Variants in ELAVL2 observed in about 807,000 individuals in gnomAD.
ELAVL2 encodes the protein ELAV-like protein 2.
ELAVL2 carries 4 observed loss-of-function variants against 34.6 expected under a neutral mutation model. That is an observed-to-expected ratio of 0.12 (90% CI 0.06 to 0.26). ELAVL2 has a LOEUF of 0.26. ELAVL2 is among the 10% of genes least tolerant of loss of function. The pLI is 1.00. For missense variants in ELAVL2, 432 were observed against 442.8 expected, an observed-to-expected ratio of 0.98 and a Z score of 0.22; for synonymous variants, 193 against 154.8, an observed-to-expected ratio of 1.25 and a Z score of -1.83.
chr9:23,779,343 T>G, intron 1 of ELAVL2: 1 of 985,424 alleles, frequency 1.0e-6, no homozygotes, highest in Non-Finnish European at 1.2e-6. Flanking sequence ...TTCCAGGGCC[T>G]GCAGAAAGTC....
intron 1 of ELAVL2, chr9:23,779,420 G>T (rs2058729645): frequency 2.0e-6 from 2 of 985,214 alleles, no homozygotes; most frequent in African/African-American, 3.5e-5. Context: ...AGCAATGGAA[G>T]ATCTGGGAGG....
chr9:23,778,292 C>G (rs1361393535), intron 1 of ELAVL2, among the ~76,000 whole-genome samples: 1 of 152,150 alleles, frequency 6.6e-6, no homozygotes, highest in African/African-American at 2.4e-5. Context: ...ACCTCCAGGC[C>G]AAAGTTCGGA....
intron 3 of ELAVL2, among the ~76,000 whole-genome samples, chr9:23,720,822 C>T (rs1422490456): frequency 6.6e-6 from 1 of 152,182 alleles, no homozygotes; most frequent in Non-Finnish European, 1.5e-5. Context: ...GGTCAGGCCA[C>T]CATCTGCTTA....
chr9:23,850,236 C>T, the ELAVL2 span, among the ~76,000 whole-genome samples: 3 of 147,334 alleles, frequency 2.0e-5, no homozygotes, highest in Non-Finnish European at 4.5e-5. Context: ...ACCACCACCA[C>T]CCCCCCCGCC....
At chr9:23,705,163 G>GA (rs1465510295) in intron 3 of ELAVL2, 92 bp from the exon 4 acceptor site, 1 of 1,381,880 alleles carries the variant, frequency 7.2e-7, no homozygotes, top group African/African-American at 1.5e-5. Flanking sequence ...ACTTTCCCAT[G>GA]AACAGCATAG....
At chr9:23,738,019 T>C (rs1390380146) in intron 2 of ELAVL2, among the ~76,000 whole-genome samples, 1 of 152,238 alleles carries the variant, frequency 6.6e-6, no homozygotes, top group Non-Finnish European at 1.5e-5. Flanking sequence ...CCTGATATCC[T>C]TCTCTCTCCT....
At chr9:23,774,732 A>G (rs142043594) in intron 1 of ELAVL2, among the ~76,000 whole-genome samples, 332 of 147,692 alleles carry the variant, frequency 2.2e-3, no homozygotes, top group African/African-American at 7.9e-3. Flanking sequence ...TGGAATTTTA[A>G]TAAGATTAGA....
chr9:23,732,412 G>T (rs1196726355), intron 2 of ELAVL2, among the ~76,000 whole-genome samples: 2 of 152,266 alleles, frequency 1.3e-5, no homozygotes, highest in East Asian at 1.9e-4. Flanking sequence ...CTATCAAAAT[G>T]TATTTTTTCC....
At chr9:23,816,432 A>G (rs2063735143) in intron 1 of ELAVL2, among the ~76,000 whole-genome samples, 1 of 151,728 alleles carries the variant, frequency 6.6e-6, no homozygotes, top group African/African-American at 2.4e-5. Context: ...CATAGTCTTT[A>G]AAGTTGCTGA....
chr9:23,747,976 G>A (rs1383024596), intron 2 of ELAVL2, among the ~76,000 whole-genome samples: 2 of 152,106 alleles, frequency 1.3e-5, no homozygotes, highest in South Asian at 2.1e-4. Flanking sequence ...TGCAAAGGCA[G>A]AAATAGGCCA....
At chr9:23,799,401 G>A (rs1161923376) in intron 1 of ELAVL2, among the ~76,000 whole-genome samples, 1 of 152,110 alleles carries the variant, frequency 6.6e-6, no homozygotes, top group Admixed American at 6.6e-5. Context: ...ATTTTCCTAA[G>A]GCACTCAGGG....
chr9:23,713,176 T>C (rs1428720611), intron 3 of ELAVL2, among the ~76,000 whole-genome samples: 4 of 152,208 alleles, frequency 2.6e-5, no homozygotes, highest in African/African-American at 9.6e-5. Flanking sequence ...TAGTATGAAG[T>C]TGGTTCAACA....
At chr9:23,757,668 A>G (rs1455028570) in intron 2 of ELAVL2, among the ~76,000 whole-genome samples, 1 of 152,036 alleles carries the variant, frequency 6.6e-6, no homozygotes, top group East Asian at 1.9e-4. Flanking sequence ...CAAGCAGCAG[A>G]AGCTTCTCAT....
chr9:23,786,877 T>C (rs760207364), intron 1 of ELAVL2, among the ~76,000 whole-genome samples: 17 of 151,996 alleles, frequency 1.1e-4, no homozygotes, highest in Non-Finnish European at 2.2e-4. Flanking sequence ...CATGACCCAG[T>C]TTACTTTTCT....
intron 2 of ELAVL2, among the ~76,000 whole-genome samples, chr9:23,736,047 T>C (rs2047812822): frequency 6.6e-6 from 1 of 152,190 alleles, no homozygotes; most frequent in Admixed American, 6.5e-5. Context: ...TAATTGCATA[T>C]TTTAATTAAA....
intron 1 of ELAVL2, among the ~76,000 whole-genome samples, chr9:23,775,786 T>C (rs1004891108): frequency 1.3e-5 from 2 of 152,142 alleles, no homozygotes; most frequent in South Asian, 2.1e-4. Flanking sequence ...CCCAGTGTTT[T>C]CCAGTGTCAC....
At chr9:23,841,852 T>A in the ELAVL2 span, among the ~76,000 whole-genome samples, 112 of 152,324 alleles carry the variant, frequency 7.4e-4, 2 homozygotes, top group East Asian at 0.017. Flanking sequence ...TAATTTTTAA[T>A]GTATTTAACT....
intron 5 of ELAVL2, 91 bp downstream of exon 5, chr9:23,701,288 C>T: frequency 7.1e-7 from 1 of 1,398,732 alleles, no homozygotes; most frequent in Middle Eastern, 1.8e-4. Flanking sequence ...CAAAAGCAAA[C>T]CAGAGATCCT....
the ELAVL2 span, among the ~76,000 whole-genome samples, chr9:23,833,893 T>C: frequency 5.3e-5 from 8 of 152,116 alleles, no homozygotes; most frequent in South Asian, 1.4e-3. Flanking sequence ...ATAATTCTAT[T>C]ACCAAAAATA....
Sources: allele counts gnomAD v4.1 joint callset (sites outside exome capture counted in the v4.1 genomes callset), GRCh38; gene constraint gnomAD v4.1.1; transcripts MANE v1.5; gene names NCBI Gene and HGNC (gene_info 2026-07-23, HGNC 2026-07-21).